ACOXL: variants seen among roughly 807,000 people sequenced by gnomAD.
ACOXL encodes the protein acyl-coenzyme A oxidase-like protein.
A neutral mutation model predicts 71.9 loss-of-function variants in ACOXL; 70 were observed. The observed-to-expected ratio is 0.97, with a 90% confidence interval of 0.80 to 1.19. ACOXL has a LOEUF of 1.19. Among genes scored for constraint, ACOXL ranks in the 50% most tolerant of loss-of-function variants. The pLI is 0.00. For missense variants in ACOXL, 703 were observed against 736.3 expected, an observed-to-expected ratio of 0.95 and a Z score of 0.52; for synonymous variants, 253 against 281.6, an observed-to-expected ratio of 0.90 and a Z score of 1.02.
intron 10 of ACOXL, among the ~76,000 whole-genome samples, chr2:110,869,838 G>T (rs1442865774): frequency 6.6e-6 from 1 of 152,198 alleles, no homozygotes; most frequent in African/African-American, 2.4e-5. Context: ...AAGGCAGCTG[G>T]TGCCCCTTCC....
At chr2:111,020,270 G>T (rs184977139) in intron 14 of ACOXL, among the ~76,000 whole-genome samples, 1 of 152,336 alleles carries the variant, frequency 6.6e-6, no homozygotes, top group Admixed American at 6.5e-5. Context: ...TCCCCGTGCT[G>T]TGCTGGTTGC....
intron 1 of ACOXL, among the ~76,000 whole-genome samples, chr2:110,758,625 C>A (rs1679995247): frequency 6.6e-6 from 1 of 152,096 alleles, no homozygotes; most frequent in Non-Finnish European, 1.5e-5. Flanking sequence ...GTTCAAAAAA[C>A]CAGCTCCTGG....
intron 14 of ACOXL, among the ~76,000 whole-genome samples, chr2:111,000,871 G>A (rs2063592968): frequency 6.6e-6 from 1 of 152,144 alleles, no homozygotes; most frequent in Non-Finnish European, 1.5e-5. Context: ...CACATTCACA[G>A]GTACCAGGGC....
chr2:111,046,165 C>G (rs1296665398), intron 15 of ACOXL, among the ~76,000 whole-genome samples: 1 of 152,212 alleles, frequency 6.6e-6, no homozygotes, highest in Non-Finnish European at 1.5e-5. Flanking sequence ...AGATGGAGTG[C>G]AGACTCACTG....
At chr2:110,858,068 T>C (rs545367774) in intron 10 of ACOXL, among the ~76,000 whole-genome samples, 5 of 152,284 alleles carry the variant, frequency 3.3e-5, no homozygotes, top group Non-Finnish European at 7.4e-5. Context: ...TATATATCAT[T>C]TTTTAGGTGC....
At chr2:110,922,455 A>G (rs1028480586) in intron 11 of ACOXL, among the ~76,000 whole-genome samples, 2 of 152,166 alleles carry the variant, frequency 1.3e-5, no homozygotes, top group African/African-American at 4.8e-5. Flanking sequence ...AAGACTGTGT[A>G]TACATTTGCT....
chr2:110,944,323 G>C (rs887704091), intron 12 of ACOXL, among the ~76,000 whole-genome samples: 2 of 151,844 alleles, frequency 1.3e-5, no homozygotes, highest in African/African-American at 4.8e-5. Flanking sequence ...CAAAGTGCTG[G>C]GAGCCACCGT....
chr2:110,959,573 C>T (rs577520347), intron 12 of ACOXL, among the ~76,000 whole-genome samples: 15 of 152,262 alleles, frequency 9.9e-5, no homozygotes, highest in African/African-American at 3.6e-4. Flanking sequence ...CCACACCTGT[C>T]CTGGTCTTTG....
chr2:111,109,923 C>A (rs561676551), intron 17 of ACOXL, among the ~76,000 whole-genome samples: 2 of 152,254 alleles, frequency 1.3e-5, no homozygotes, highest in South Asian at 4.1e-4. Context: ...AAGCAATCCA[C>A]CCGCCTCAGC....
chr2:110,988,565 A>C (rs2149557775), intron 13 of ACOXL, among the ~76,000 whole-genome samples: 1 of 152,306 alleles, frequency 6.6e-6, no homozygotes, highest in South Asian at 2.1e-4. Flanking sequence ...TGTGCTATGG[A>C]GTAATGTTCA....
intron 1 of ACOXL, among the ~76,000 whole-genome samples, chr2:110,750,804 C>T (rs1268518405): frequency 6.6e-6 from 1 of 151,606 alleles, no homozygotes; most frequent in African/African-American, 2.4e-5. Context: ...TCAAGTGGTC[C>T]TCCCACTGCA....
At chr2:110,838,007 G>T (rs1307440462) in intron 9 of ACOXL, among the ~76,000 whole-genome samples, 1 of 152,166 alleles carries the variant, frequency 6.6e-6, no homozygotes, top group South Asian at 2.1e-4. Flanking sequence ...CAACAAAGGG[G>T]TCAATTGTCT....
intron 10 of ACOXL, among the ~76,000 whole-genome samples, chr2:110,869,176 G>A (rs980997098): frequency 1.1e-4 from 16 of 152,184 alleles, no homozygotes; most frequent in African/African-American, 3.4e-4. Flanking sequence ...GCTAGGAGAT[G>A]GTAAGCTTCT....
At chr2:111,115,217 T>A (rs1574807807) in intron 17 of ACOXL, among the ~76,000 whole-genome samples, 1 of 152,226 alleles carries the variant, frequency 6.6e-6, no homozygotes, top group Non-Finnish European at 1.5e-5. Context: ...AGAGGACCCC[T>A]ACACTATGTG....
chr2:110,960,330 C>T (rs145738311), intron 12 of ACOXL, among the ~76,000 whole-genome samples: 3 of 152,314 alleles, frequency 2.0e-5, no homozygotes, highest in African/African-American at 4.8e-5. Flanking sequence ...GTAGTGCATA[C>T]GAAAGTTGAC....
At chr2:111,003,763 G>A (rs541648707) in intron 14 of ACOXL, among the ~76,000 whole-genome samples, 2 of 152,110 alleles carry the variant, frequency 1.3e-5, no homozygotes, top group South Asian at 4.2e-4. Flanking sequence ...TACCATTAAT[G>A]TAACCATTTT....
chr2:110,739,027 T>C (rs1460151945), intron 1 of ACOXL, among the ~76,000 whole-genome samples: 1 of 152,224 alleles, frequency 6.6e-6, no homozygotes, highest in Admixed American at 6.5e-5. Context: ...TAGTTGATAG[T>C]AAGTTTTGAA....
At chr2:110,979,808 C>G (rs2062623224) in intron 12 of ACOXL, among the ~76,000 whole-genome samples, 1 of 152,186 alleles carries the variant, frequency 6.6e-6, no homozygotes, top group Non-Finnish European at 1.5e-5. Flanking sequence ...GGGCCTTTGC[C>G]CCTTTCCAAG....
intron 9 of ACOXL, among the ~76,000 whole-genome samples, chr2:110,835,311 T>A (rs1690316167): frequency 1.3e-5 from 2 of 152,266 alleles, no homozygotes; most frequent in South Asian, 4.2e-4. Context: ...GGTAACATCA[T>A]AAAGTAAGCT....
Sources: allele counts gnomAD v4.1 joint callset (sites outside exome capture counted in the v4.1 genomes callset), GRCh38; gene constraint gnomAD v4.1.1; transcripts MANE v1.5; gene names NCBI Gene and HGNC (gene_info 2026-07-23, HGNC 2026-07-21).